The following RBFOX1 variants were observed in gnomAD, a reference collection of about 807,000 sequenced individuals.
The protein encoded by RBFOX1 is RNA binding fox-1 homolog 1, also known as RNA binding protein fox-1 homolog 1.
Under a neutral mutation model 57.7 loss-of-function variants are expected in RBFOX1, and 8 were observed. The ratio of observed to expected loss-of-function variants is 0.14; its 90% CI spans 0.08 to 0.25. RBFOX1 has a LOEUF of 0.25. RBFOX1 is among the 10% of genes least tolerant of loss of function. RBFOX1 has a pLI of 1.00. For missense variants in RBFOX1, 611 were observed against 548.5 expected (o/e 1.11, Z -1.14); for synonymous variants, 326 against 222.4 (o/e 1.47, Z -4.15).
intron 2 of RBFOX1, among the ~76,000 whole-genome samples, chr16:6,495,268 G>T (rs2095738375): frequency 6.6e-6 from 1 of 152,086 alleles, no homozygotes; most frequent in Admixed American, 6.5e-5. Flanking sequence ...ATAGGTGCCC[G>T]CCACCATGCC....
intron 3 of RBFOX1, among the ~76,000 whole-genome samples, chr16:5,653,993 G>C (rs1256855931): frequency 6.6e-6 from 1 of 152,210 alleles, no homozygotes; most frequent in Admixed American, 6.5e-5. Context: ...ACGCAGCAGG[G>C]TGGGCAGGCG....
rs556930357 is a variant in RBFOX1 at position 6,911,986 on chromosome 16, T to C, written c.-15-140071T>C. Among the ~76,000 whole-genome samples, 17 of 152,300 alleles carry C rather than the reference T, an allele frequency of 1.1e-4. No individual in the cohort carries two copies. The East Asian group carries it at 2.7e-3, about 24-fold the overall frequency. ...GGCTTGGGAGTAGAAAGAACAAGAA[T>C]AAAGATGTTAAGTAGAGTAAGATGC... On this transcript the variant is annotated intron_variant, in intron 3 of 15. Coordinates refer to ENST00000550418, the MANE Select transcript of RBFOX1 (RefSeq NM_018723.4).
intron 3 of RBFOX1, among the ~76,000 whole-genome samples, chr16:5,737,179 A>AT (rs769927125): frequency 5.3e-5 from 8 of 151,726 alleles, no homozygotes; most frequent in Non-Finnish European, 1.2e-4. Flanking sequence ...GTCTGTCGTC[A>AT]TTTTTTTTAA....
chr16:5,423,417 C>G (rs573878847), intron 1 of RBFOX1, among the ~76,000 whole-genome samples: 1 of 152,140 alleles, frequency 6.6e-6, no homozygotes, highest in African/African-American at 2.4e-5. Flanking sequence ...CAGAACTGTT[C>G]GATCACCACA....
At chr16:6,085,952 C>T (rs1323138512) in intron 1 of RBFOX1, among the ~76,000 whole-genome samples, 1 of 152,042 alleles carries the variant, frequency 6.6e-6, no homozygotes, top group Non-Finnish European at 1.5e-5. Context: ...CATGCATTAG[C>T]CATTTATCCT....
chr16:7,367,219 T>G (rs1568444932), intron 4 of RBFOX1, among the ~76,000 whole-genome samples: 3 of 152,186 alleles, frequency 2.0e-5, no homozygotes, highest in African/African-American at 7.2e-5. Flanking sequence ...TCTTACTGTT[T>G]GCAAAGACGA....
intron 3 of RBFOX1, among the ~76,000 whole-genome samples, chr16:6,988,614 C>G (rs1370085017): frequency 6.6e-6 from 1 of 151,698 alleles, no homozygotes; most frequent in South Asian, 2.1e-4. Context: ...GCTCTGTCCC[C>G]TAGGCTGGAG....
At chr16:5,909,146 G>A (rs1391266844) in intron 4 of RBFOX1, among the ~76,000 whole-genome samples, 2 of 137,818 alleles carry the variant, frequency 1.5e-5, no homozygotes, top group Non-Finnish European at 3.0e-5. Context: ...AGGCTGGAGT[G>A]CAGTGGTGCG....
intron 4 of RBFOX1, among the ~76,000 whole-genome samples, chr16:7,254,259 G>A (rs10500351): frequency 4.6e-5 from 7 of 152,038 alleles, no homozygotes; most frequent in Non-Finnish European, 4.4e-5. Flanking sequence ...AGGACTCATA[G>A]TATTAACCAC....
Position 6,563,916 on chromosome 16 carries a change from GTATA to G in RBFOX1, c.-63-90677_-63-90674del, listed in dbSNP as rs35294158. Among the ~76,000 whole-genome samples, 20 of 151,184 alleles carry G rather than the reference GTATA, an allele frequency of 1.3e-4. No individual in the cohort carries two copies. The East Asian group carries it at 3.3e-3, about 25-fold the overall frequency. Reference sequence around the variant, plus strand: ...TATATGTGCGTATATGTGTGTGTGTGTATATATATATATCCCATTAGGTCTGCCT... The same window carrying G: ...TATATGTGCGTATATGTGTGTGTGTGTATATATATCCCATTAGGTCTGCCT... On this transcript the variant is annotated intron_variant, in intron 2 of 15. Transcript: ENST00000550418.
intron 2 of RBFOX1, among the ~76,000 whole-genome samples, chr16:6,590,953 C>T (rs2097701643): frequency 1.3e-5 from 2 of 152,264 alleles, no homozygotes; most frequent in East Asian, 1.9e-4. Context: ...TGGAGTCACA[C>T]TGCGAGAGTC....
chr16:6,720,274 C>T (rs1458014236), intron 3 of RBFOX1, among the ~76,000 whole-genome samples: 1 of 152,210 alleles, frequency 6.6e-6, no homozygotes, highest in African/African-American at 2.4e-5. Flanking sequence ...CTTCTTCCCC[C>T]TTCACTCTTT....
chr16:6,288,464 C>T (rs1023927387), intron 1 of RBFOX1, among the ~76,000 whole-genome samples: 5 of 152,180 alleles, frequency 3.3e-5, no homozygotes, highest in African/African-American at 1.2e-4. Flanking sequence ...GGATTTTAAA[C>T]AAATAAGGTC....
chr16:7,623,644 C>G (rs2059644619), intron 10 of RBFOX1, among the ~76,000 whole-genome samples: 1 of 152,192 alleles, frequency 6.6e-6, no homozygotes, highest in African/African-American at 2.4e-5. Flanking sequence ...AGCTCACCTC[C>G]TGCTGTGTGG....
chr16:6,374,193 T>C (rs2090871337), intron 2 of RBFOX1, among the ~76,000 whole-genome samples: 1 of 152,244 alleles, frequency 6.6e-6, no homozygotes, highest in South Asian at 2.1e-4. Context: ...ATTCAAGTAG[T>C]CTACTTGGCA....
intron 3 of RBFOX1, among the ~76,000 whole-genome samples, chr16:5,834,687 GTAGATAGA>G (rs151197873): frequency 8.9e-5 from 12 of 134,866 alleles, no homozygotes; most frequent in Admixed American, 3.0e-4. Flanking sequence ...AATGGGATAG[GTAGATAGA>G]TAGATAGATA....
chr16:6,915,482 C>T (rs1038126366), intron 3 of RBFOX1, among the ~76,000 whole-genome samples: 1 of 152,012 alleles, frequency 6.6e-6, no homozygotes, highest in African/African-American at 2.4e-5. Context: ...CAAATGACTT[C>T]CTACTATAGC....
chr16:6,603,851 C>G (rs935073990), intron 2 of RBFOX1, among the ~76,000 whole-genome samples: 2 of 152,146 alleles, frequency 1.3e-5, no homozygotes, highest in African/African-American at 2.4e-5. Flanking sequence ...GTCCATGTGA[C>G]CCCATTTGCC....
At chr16:5,258,670 C>T (rs1398117150) in intron 1 of RBFOX1, among the ~76,000 whole-genome samples, 1 of 152,164 alleles carries the variant, frequency 6.6e-6, no homozygotes, top group East Asian at 1.9e-4. Context: ...GTAATCCCAG[C>T]ACTTTGGGAG....
Sources: allele counts gnomAD v4.1 joint callset (sites outside exome capture counted in the v4.1 genomes callset), GRCh38; gene constraint gnomAD v4.1.1; transcripts MANE v1.5; gene names NCBI Gene and HGNC (gene_info 2026-07-23, HGNC 2026-07-21).